Variants in VPS13C observed in about 807,000 individuals in gnomAD.
VPS13C encodes vacuolar protein sorting 13 homolog C.
Under a neutral mutation model 456.8 loss-of-function variants are expected in VPS13C, and 358 were observed. The ratio of observed to expected loss-of-function variants is 0.78; its 90% CI spans 0.72 to 0.86. VPS13C has a LOEUF of 0.86. Ranked by LOEUF, VPS13C falls within the 40% of genes least tolerant of loss-of-function variation. VPS13C has a pLI of 0.00. For missense variants in VPS13C, 4,818 were observed against 4,385.4 expected (o/e 1.10, Z -2.79); for synonymous variants, 1,578 against 1,486.7 (o/e 1.06, Z -1.41).
At position 62,028,411 on chromosome 15, in the gene VPS13C, G is replaced by T. The variant is rs1159170881; in HGVS notation, c.395C>A (p.Ser132Ter). 1 of 1,612,946 alleles carries T rather than the reference G, an allele frequency of 6.2e-7. No homozygotes were observed. Among genetic ancestry groups the T allele is most frequent in the Non-Finnish European group, 8.5e-7 (1 of 1,179,218 alleles). The change falls in exon 6 of 85, where the codon TCA (serine) becomes TAA (stop). Residue 132 changes from serine (S) to a stop codon, truncating the protein, a stop_gained. Transcript: ENST00000644861. LOFTEE classifies it high-confidence loss of function. ...CTCCAAGCCATATATGAACTCCCCT[G>T]AATGTGTGCCTGCATCCCACATGGC... is the stretch of plus-strand genomic sequence containing the variant. ...LQKAAEKGTH[S>*]GEFIYGLENF...
chr15:62,041,959 G>A (rs1255437734), intron 2 of VPS13C, among the ~76,000 whole-genome samples: 1 of 151,908 alleles, frequency 6.6e-6, no homozygotes, highest in Non-Finnish European at 1.5e-5. Context: ...CAAATCAAAT[G>A]GAAATTAAAA....
intron 5 of VPS13C, among the ~76,000 whole-genome samples, chr15:62,030,204 C>G (rs997929001): frequency 6.6e-6 from 1 of 152,064 alleles, no homozygotes; most frequent in Non-Finnish European, 1.5e-5. Context: ...ACATAGAAGA[C>G]TAAGCAAATA....
intron 73 of VPS13C, 92 bp from the exon 74 acceptor site, chr15:61,878,838 G>GTCTT: frequency 7.3e-7 from 1 of 1,372,562 alleles, no homozygotes; most frequent in Non-Finnish European, 9.6e-7. Context: ...ACCAAAAAAA[G>GTCTT]TCTTTCGATT....
chr15:61,999,421 C>T (rs34933463), intron 16 of VPS13C, among the ~76,000 whole-genome samples: 8,608 of 151,340 alleles, frequency 0.057, 312 homozygotes, highest in Non-Finnish European at 0.08. Context: ...AGTAGTTATA[C>T]ACAAATTTTT....
At position 61,920,687 on chromosome 15, in the gene VPS13C, C is replaced by T. The variant is rs768226927; in HGVS notation, c.7063-40G>A. The T allele has an allele frequency of 5.3e-6, 8 of 1,520,756 alleles. No individual in the cohort carries two copies. In the African/African-American group the frequency reaches 7.2e-5, roughly 14 times the overall value. The allele number at this position is 1,520,756 out of a possible 1,614,324, so 94.2% of individuals were successfully genotyped here. A position where few individuals can be genotyped will look rare whatever the true frequency, so the allele number is the denominator to read the frequency against. ...AACACAGCAAATTTAAATTATTAGC[C>T]AGTTGATAATAAAATAAAAATGCTG... On this transcript the variant is annotated intron_variant, in intron 55 of 84. Transcript: ENST00000644861.
At chr15:61,892,776 A>T in intron 66 of VPS13C, among the ~76,000 whole-genome samples, 1 of 152,232 alleles carries the variant, frequency 6.6e-6, no homozygotes, top group East Asian at 1.9e-4. Flanking sequence ...GAAATTTATC[A>T]GTGAAATTGA....
chr15:61,974,056 C>T (rs552289663), intron 25 of VPS13C, among the ~76,000 whole-genome samples: 24 of 152,182 alleles, frequency 1.6e-4, no homozygotes, highest in Non-Finnish European at 2.8e-4. Flanking sequence ...ATAAGCCTAA[C>T]ATATAAGAAA....
intron 45 of VPS13C, among the ~76,000 whole-genome samples, chr15:61,943,655 A>G (rs2044506714): frequency 1.3e-5 from 2 of 152,164 alleles, no homozygotes; most frequent in South Asian, 4.1e-4. Flanking sequence ...TGGATTAAAT[A>G]TTTAAGTGTA....
intron 81 of VPS13C, chr15:61,865,020 A>G (rs1566954537): frequency 1.0e-6 from 1 of 984,474 alleles, no homozygotes; most frequent in Non-Finnish European, 1.2e-6. Flanking sequence ...ATTTATCACC[A>G]TAATACACTT....
rs1012109046 is a variant in VPS13C, at chr15:61,867,513, T to G, written c.10863+1146A>C. 4 of 991,704 alleles carry G rather than the reference T, an allele frequency of 4.0e-6. No homozygotes were observed. The African/African-American group carries it at 7.0e-5, about 17-fold the overall frequency. 61.4% of individuals were successfully genotyped at this position (991,704 alleles called of 1,614,324 possible). ...ATTTGTGAAACAGAAAGCTATGTAA[T>G]TCCATCATCAAGACTCACAAACATA... On this transcript the variant is annotated intron_variant, in intron 81 of 84. Coordinates refer to ENST00000644861, the MANE Select transcript of VPS13C (RefSeq NM_020821.3). The surrounding 1 kb of genome is among the most constrained non-coding windows in gnomAD (Gnocchi z 5.0).
At chr15:61,941,720 C>G (rs1275481093) in intron 46 of VPS13C, 43 bp downstream of exon 46, 1 of 1,512,734 alleles carries the variant, frequency 6.6e-7, no homozygotes, top group African/African-American at 1.4e-5. Context: ...TATGAAAATC[C>G]TATTTCTAGT....
In VPS13C at chr15:61,865,194, C is replaced by A. The variant is rs370210005; in HGVS notation, c.10864-1666G>T. 2.4e-4 allele frequency: 235 copies of A among 984,746 alleles called. 1 individual carries two copies. In the African/African-American group the frequency reaches 3.7e-3, roughly 15 times the overall value. The allele number at this position is 984,746 out of a possible 1,614,324, so 61.0% of individuals were successfully genotyped here. A position where few individuals can be genotyped will look rare whatever the true frequency, so the allele number is the denominator to read the frequency against. On this transcript the variant is annotated intron_variant, in intron 81 of 84. Coordinates refer to ENST00000644861, the MANE Select transcript of VPS13C (RefSeq NM_020821.3). Reference sequence around the variant, plus strand: ...GGAATTTAACAATACTTTGCAAAAGCCCTTTACCCAGTAATTCAATTTTTT... The same window carrying A: ...GGAATTTAACAATACTTTGCAAAAGACCTTTACCCAGTAATTCAATTTTTT...
At chr15:61,917,311 C>T in intron 60 of VPS13C, 30 bp downstream of exon 60, 1 of 1,599,648 alleles carries the variant, frequency 6.3e-7, no homozygotes, top group Non-Finnish European at 8.5e-7. Context: ...TGTGCAACAA[C>T]AAAAATCAAA....
intron 8 of VPS13C, 79 bp downstream of exon 8, chr15:62,023,332 G>C (rs938298365): frequency 2.0e-5 from 17 of 856,404 alleles, no homozygotes; most frequent in Admixed American, 3.6e-5. Context: ...AATGGGCACA[G>C]ATAATCCACA....
chr15:62,015,885 T>C (rs2047223935), intron 9 of VPS13C, among the ~76,000 whole-genome samples: 2 of 129,928 alleles, frequency 1.5e-5, no homozygotes, highest in African/African-American at 5.9e-5. Context: ...TATACATATG[T>C]AACTAACCTG....
intron 3 of VPS13C, among the ~76,000 whole-genome samples, chr15:62,037,480 T>C (rs2048100545): frequency 9.3e-6 from 1 of 107,960 alleles, no homozygotes; most frequent in Non-Finnish European, 1.7e-5. Flanking sequence ...AAATTTATTA[T>C]ATTGTAAGAA....
At chr15:61,964,905 A>T in intron 30 of VPS13C, 44 bp from the exon 31 acceptor site, 4 of 1,571,228 alleles carry the variant, frequency 2.5e-6, no homozygotes, top group Non-Finnish European at 3.4e-6. Context: ...ACAGCCAATT[A>T]TAACCTGTAG....
chr15:62,011,323 T>A (rs573988423), intron 12 of VPS13C, among the ~76,000 whole-genome samples: 1 of 152,044 alleles, frequency 6.6e-6, no homozygotes. Context: ...AAGAATGAAA[T>A]TGTAGATTTT....
intron 16 of VPS13C, among the ~76,000 whole-genome samples, chr15:62,000,287 C>T (rs539952258): frequency 8.5e-5 from 13 of 152,254 alleles, no homozygotes; most frequent in African/African-American, 2.9e-4. Context: ...ATCACTTGCA[C>T]CCGGGAGGCA....
Sources: allele counts gnomAD v4.1 joint callset (sites outside exome capture counted in the v4.1 genomes callset), GRCh38; gene constraint gnomAD v4.1.1; non-coding constraint Gnocchi (gnomAD v3.1); transcripts MANE v1.5; gene names NCBI Gene and HGNC (gene_info 2026-07-23, HGNC 2026-07-21).